The following EPS15L1 variants were observed in gnomAD, a reference collection of about 807,000 sequenced individuals.
The protein encoded by EPS15L1 is epidermal growth factor receptor substrate 15-like 1.
EPS15L1 carries 43 observed loss-of-function variants against 117.1 expected under a neutral mutation model. The ratio of observed to expected loss-of-function variants is 0.37; its 90% CI spans 0.29 to 0.47. The LOEUF (loss-of-function observed/expected upper bound fraction) is 0.47, where lower values mean the gene tolerates loss of function less well. Among genes scored for constraint, EPS15L1 ranks in the 20% least tolerant of loss-of-function variants. EPS15L1 has a pLI of 0.99. For synonymous variants in EPS15L1, 459 were observed against 470.5 expected, an observed-to-expected ratio of 0.98 and a Z score of 0.32; for missense variants, 981 against 1,164.0, an observed-to-expected ratio of 0.84 and a Z score of 2.29.
intron 7 of EPS15L1, among the ~76,000 whole-genome samples, chr19:16,433,368 G>T (rs2092948033): frequency 6.6e-6 from 1 of 151,816 alleles, no homozygotes; most frequent in Non-Finnish European, 1.5e-5. Context: ...CTGACCTCAA[G>T]TTATCCACCC....
Position 16,355,462 on chromosome 19 carries a change from C to CG in EPS15L1, c.*242dup, listed in dbSNP as rs893881798. On this transcript the variant is annotated 3_prime_UTR_variant, in exon 24 of 24. Coordinates refer to ENST00000455140, the MANE Select transcript of EPS15L1 (RefSeq NM_001258374.3). ...AGGAAGAGCGGGAGGCAGTCAGCCC[C>CG]GGGGGGGATGGCACAGTGGAGAGAC... The CG allele has an allele frequency of 4.6e-5, 22 of 479,510 alleles. No individual in the cohort carries two copies. Among genetic ancestry groups the CG allele is most frequent in the Admixed American group, 1.0e-4 (3 of 28,614 alleles). The allele number at this position is 479,510 out of a possible 1,614,324, so 29.7% of individuals were successfully genotyped here.
At chr19:16,418,200 C>A (rs1299177160) in intron 10 of EPS15L1, 96 bp from the exon 11 acceptor site, 4 of 1,392,948 alleles carry the variant, frequency 2.9e-6, no homozygotes, top group Non-Finnish European at 2.9e-6. Flanking sequence ...ACGACAGCGA[C>A]GAAAACAACG....
At chr19:16,454,980 T>G (rs976546186) in intron 1 of EPS15L1, among the ~76,000 whole-genome samples, 1 of 151,934 alleles carries the variant, frequency 6.6e-6, no homozygotes, top group Non-Finnish European at 1.5e-5. Flanking sequence ...AAATATAAAA[T>G]TAGCCAGGTG....
chr19:16,418,156 T>C (rs747902196), intron 10 of EPS15L1, 52 bp from the exon 11 acceptor site: 49 of 1,555,236 alleles, frequency 3.2e-5, no homozygotes, highest in Middle Eastern at 1.8e-4. Context: ...CGACTCAGCC[T>C]GAACCCAAGT....
chr19:16,431,253 T>A (rs2092924810), intron 7 of EPS15L1, among the ~76,000 whole-genome samples: 1 of 151,566 alleles, frequency 6.6e-6, no homozygotes, highest in Non-Finnish European at 1.5e-5. Context: ...AAAAAACTTT[T>A]TTTTAATAAA....
At chr19:16,432,939 G>A (rs951720644) in intron 7 of EPS15L1, among the ~76,000 whole-genome samples, 2 of 151,558 alleles carry the variant, frequency 1.3e-5, no homozygotes, top group African/African-American at 4.9e-5. Context: ...AGAGTAGCTG[G>A]GACTACAGTC....
chr19:16,398,898 G>A (rs1222658353), intron 16 of EPS15L1, among the ~76,000 whole-genome samples: 1 of 152,146 alleles, frequency 6.6e-6, no homozygotes, highest in Non-Finnish European at 1.5e-5. Flanking sequence ...CCGGGCTCAA[G>A]GATCCTCCTG....
At chr19:16,423,914 A>T (rs933739203) in intron 9 of EPS15L1, among the ~76,000 whole-genome samples, 1 of 152,242 alleles carries the variant, frequency 6.6e-6, no homozygotes, top group Non-Finnish European at 1.5e-5. Context: ...CTGGGATGAC[A>T]AGAGTCCTAA....
intron 15 of EPS15L1, among the ~76,000 whole-genome samples, chr19:16,403,283 G>A (rs1010634448): frequency 6.6e-6 from 1 of 152,174 alleles, no homozygotes; most frequent in Non-Finnish European, 1.5e-5. Context: ...CTTAGAGAAT[G>A]GGGGTCCTGC....
chr19:16,444,366 G>A (rs2093063278), intron 1 of EPS15L1, among the ~76,000 whole-genome samples: 1 of 152,182 alleles, frequency 6.6e-6, no homozygotes, highest in African/African-American at 2.4e-5. Context: ...CCTCGTGCTT[G>A]GAGGCAGTGA....
intron 1 of EPS15L1, among the ~76,000 whole-genome samples, chr19:16,451,537 T>TA (rs994405290): frequency 3.3e-5 from 5 of 151,550 alleles, no homozygotes; most frequent in African/African-American, 1.2e-4. Flanking sequence ...TTATTTTTTT[T>TA]ATTTTTTTTG....
rs757647851 is a variant in EPS15L1, at chr19:16,392,392, G to C, written c.2015C>G (p.Ser672Cys). The change falls in exon 19 of 24, where the codon TCT becomes TGT. Residue 672 changes from serine to cysteine, a missense_variant. Ser to Cys is a moderately radical substitution (Grantham distance 112). This residue lies in a region of EPS15L1 where 819 missense variants were observed against 949.0 expected (regional missense o/e 0.86). Coordinates refer to ENST00000455140, the MANE Select transcript of EPS15L1 (RefSeq NM_001258374.3). ...TTTCTTGAAGAAGTCGTCAGTGGCA[G>C]AGCCACGGAATGGGTCACTTTCTTT... ...PFKESDPFRG[S>C]ATDDFFKKQT... The C allele has an allele frequency of 1.3e-5, 21 of 1,613,994 alleles. No individual in the cohort carries two copies. The highest frequency in any genetic ancestry group is 1.7e-5 in the Non-Finnish European group (20 of 1,179,936).
chr19:16,373,012 G>A (rs555483396), intron 22 of EPS15L1, among the ~76,000 whole-genome samples: 1 of 152,346 alleles, frequency 6.6e-6, no homozygotes, highest in South Asian at 2.1e-4. Flanking sequence ...GGTGCCCTGG[G>A]ATGGACAAAC....
chr19:16,372,243 G>T (rs1170563234), intron 22 of EPS15L1, among the ~76,000 whole-genome samples: 1 of 152,160 alleles, frequency 6.6e-6, no homozygotes, highest in African/African-American at 2.4e-5. Context: ...ACCTCTGCAG[G>T]TTCCCAGGTG....
intron 7 of EPS15L1, among the ~76,000 whole-genome samples, chr19:16,433,523 G>T (rs956535932): frequency 6.6e-6 from 1 of 152,226 alleles, no homozygotes; most frequent in Non-Finnish European, 1.5e-5. Context: ...AGAAGAAAAA[G>T]AGTAATTAAT....
chr19:16,438,169 A>C (rs575126448), intron 4 of EPS15L1, among the ~76,000 whole-genome samples: 1 of 152,142 alleles, frequency 6.6e-6, no homozygotes, highest in Non-Finnish European at 1.5e-5. Context: ...CCTGGCCAAC[A>C]TGGCGAAACC....
Position 16,424,611 on chromosome 19 carries a change from G to A in EPS15L1, c.792+472C>T, listed in dbSNP as rs140701326. On this transcript the variant is annotated intron_variant, in intron 9 of 23. Transcript: ENST00000455140. ...GGATCACTTGAGCCAAGGAGTTCAA[G>A]ACCAGCCTGAGTAACATAGGGGAGA... 5.3e-4 allele frequency among the ~76,000 whole-genome samples: 81 copies of A among 152,126 alleles called. No homozygotes were observed. The East Asian group carries it at 0.015, about 28-fold the overall frequency.
At chr19:16,394,050 C>A (rs377042255) in intron 17 of EPS15L1, 49 bp from the exon 18 acceptor site, 6 of 1,576,472 alleles carry the variant, frequency 3.8e-6, no homozygotes, top group Non-Finnish European at 5.2e-6. Context: ...GCACAGGATG[C>A]GGGCCGGGCC....
chr19:16,406,581 G>C (rs1461511950), intron 13 of EPS15L1, among the ~76,000 whole-genome samples: 1 of 152,188 alleles, frequency 6.6e-6, no homozygotes, highest in Non-Finnish European at 1.5e-5. Context: ...GCAACTCCCT[G>C]GTGTCCTGGG....
Sources: allele counts gnomAD v4.1 joint callset (sites outside exome capture counted in the v4.1 genomes callset), GRCh38; gene constraint gnomAD v4.1.1; regional missense constraint gnomAD v4.1.1; transcripts MANE v1.5; gene names NCBI Gene and HGNC (gene_info 2026-07-23, HGNC 2026-07-21).